Variants in BICRA observed in about 807,000 individuals in gnomAD.
BICRA encodes the protein BRD4 interacting chromatin remodeling complex associated protein, also known as BRD4-interacting chromatin-remodeling complex-associated protein.
In BICRA, 31 loss-of-function variants were observed where a neutral mutation model predicts 96.9. The ratio of observed to expected loss-of-function variants is 0.32; its 90% CI spans 0.24 to 0.43. BICRA has a LOEUF of 0.43. Among genes scored for constraint, BICRA ranks in the 20% least tolerant of loss-of-function variants. The pLI is 1.00. For synonymous variants in BICRA, 1,350 were observed against 1,071.8 expected (o/e 1.26, Z -5.07); for missense variants, 2,283 against 2,190.3 (o/e 1.04, Z -0.84).
chr19:47,656,593 T>A (rs1972622479), intron 1 of BICRA, among the ~76,000 whole-genome samples: 7 of 152,196 alleles, frequency 4.6e-5, no homozygotes, highest in Admixed American at 3.9e-4. Flanking sequence ...AACGATCAAT[T>A]GCACAGGGGT....
Position 47,680,786 on chromosome 19 carries a change from C to G in BICRA, c.1616C>G (p.Ala539Gly), listed in dbSNP as rs373150892. 6.2e-7 allele frequency: 1 copy of G among 1,609,968 alleles called. No homozygotes were observed. Among genetic ancestry groups the G allele is most frequent in the African/African-American group, 1.3e-5 (1 of 74,786 alleles). ...GCCCCCCACTCCGGGGCCCACAGCG[C>G]GCACATCCTCTCCGCCGCTCCCATC... The part of the protein sequence containing the change: ...VLAPHSGAHS[A>G]HILSAAPIQV... Residue 539 changes from alanine (A) to glycine (G), a missense_variant, in exon 6 of 15, where the codon GCG becomes GGG. Ala to Gly is a moderately conservative substitution (Grantham distance 60, BLOSUM62 0). Coordinates refer to ENST00000594866, the MANE Select transcript of BICRA (RefSeq NM_001394372.1).
In BICRA at chr19:47,698,046, G is replaced by A. The variant is rs1973374533; in HGVS notation, c.3249-588G>A. On this transcript the variant is annotated intron_variant, in intron 11 of 14. Transcript: ENST00000594866. The surrounding 1 kb of genome is among the most constrained non-coding windows in gnomAD (Gnocchi z 4.8). ...GTCCCCACTCAGTGCCCAGGCCTGA[G>A]CCCCATGTTGGGAACACAGGAGTAA... is the stretch of plus-strand genomic sequence containing the variant. Among the ~76,000 whole-genome samples the A allele has an allele frequency of 1.3e-5, 2 of 152,170 alleles. No individual in the cohort carries two copies. Among genetic ancestry groups the A allele is most frequent in the Non-Finnish European group, 2.9e-5 (2 of 68,034 alleles).
intron 1 of BICRA, among the ~76,000 whole-genome samples, chr19:47,632,813 G>T (rs1972240120): frequency 6.6e-6 from 1 of 152,134 alleles, no homozygotes; most frequent in Non-Finnish European, 1.5e-5. Flanking sequence ...CGTGACTCAA[G>T]TTTTGGACAG....
In BICRA at chr19:47,694,587, C is replaced by G; in HGVS notation, c.2756C>G (p.Ser919Cys). The change falls in exon 8 of 15, where the codon TCC (serine) becomes TGC (cysteine). Residue 919 changes from serine (S) to cysteine (C), a missense_variant. Transcript: ENST00000594866. ...QFPPSQGPHK[S>C]PTPPPTLHLV... ...CCACCCAGCCAGGGGCCCCACAAGT[C>G]CCCCACTCCCCCTCCAACCCTCCAC... 1 of 1,565,882 alleles carries G rather than the reference C, an allele frequency of 6.4e-7. No homozygotes were observed. The highest frequency in any genetic ancestry group is 1.7e-5 in the Admixed American group (1 of 59,652).
chr19:47,672,670 G>A (rs1166308775), intron 2 of BICRA, among the ~76,000 whole-genome samples: 2 of 151,860 alleles, frequency 1.3e-5, no homozygotes, highest in Non-Finnish European at 1.5e-5. Flanking sequence ...GGGAGGGAAG[G>A]CTAGATGGAT....
intron 1 of BICRA, among the ~76,000 whole-genome samples, chr19:47,644,807 C>T (rs1044447801): frequency 6.6e-6 from 1 of 152,100 alleles, no homozygotes; most frequent in African/African-American, 2.4e-5. Context: ...GGATTTCATT[C>T]CATATGCTTT....
chr19:47,685,413 G>A (rs1973129247), intron 7 of BICRA, among the ~76,000 whole-genome samples: 1 of 152,216 alleles, frequency 6.6e-6, no homozygotes, highest in Non-Finnish European at 1.5e-5. Flanking sequence ...ATCTGCAGCA[G>A]TGGGGACCCA....
At chr19:47,672,577 G>GTGGATGGATGGA (rs57088975) in intron 2 of BICRA, among the ~76,000 whole-genome samples, 122 of 150,192 alleles carry the variant, frequency 8.1e-4, no homozygotes, top group South Asian at 2.1e-3. Flanking sequence ...AGATAAAGAA[G>GTGGATGGATGGA]TGGATGGATG....
chr19:47,675,101 C>T lies in BICRA; in HGVS notation c.85-750C>T, dbSNP rs1439768815. Among the ~76,000 whole-genome samples the T allele has an allele frequency of 1.3e-5, 2 of 152,066 alleles. No individual in the cohort carries two copies. The highest frequency in any genetic ancestry group is 2.9e-5 in the Non-Finnish European group (2 of 68,022). On this transcript the variant is annotated intron_variant, in intron 4 of 14. Transcript: ENST00000594866. This position sits in a 1 kb window ranked among gnomAD's most constrained non-coding sequence, Gnocchi z 4.7. Reference sequence around the variant, plus strand: ...GGCATCAACTAGACTTGCTGGTGGACTCGATGTTGAGGGGGAGAGAGTGTC... The same window carrying T: ...GGCATCAACTAGACTTGCTGGTGGATTCGATGTTGAGGGGGAGAGAGTGTC...
intron 1 of BICRA, among the ~76,000 whole-genome samples, chr19:47,624,651 G>A (rs1972113674): frequency 6.6e-6 from 1 of 151,806 alleles, no homozygotes; most frequent in Non-Finnish European, 1.5e-5. Flanking sequence ...TCTTTGAAGT[G>A]TAGTAACAAG....
rs147915889 is a variant in BICRA at position 47,629,472 on chromosome 19, A to C, written c.-108+20304A>C. On this transcript the variant is annotated intron_variant, in intron 1 of 14. Coordinates refer to ENST00000594866, the MANE Select transcript of BICRA (RefSeq NM_001394372.1). ...TTATTTCACTTATTGTATTGTCCTG[A>C]AGGCTTATTCGTGGTGTGGCATGTG... Among the ~76,000 whole-genome samples the C allele has an allele frequency of 9.1e-3, 1,390 of 152,266 alleles. 15 individuals carry two copies. Among genetic ancestry groups the C allele is most frequent in the South Asian group, 0.03 (146 of 4,830 alleles).
chr19:47,655,525 CA>C (rs58172799), intron 1 of BICRA, among the ~76,000 whole-genome samples: 1,998 of 65,086 alleles, frequency 0.031, 41 homozygotes, highest in East Asian at 0.19. Context: ...AACTCTGTCT[CA>C]AAAAAAAAAA....
intron 1 of BICRA, among the ~76,000 whole-genome samples, chr19:47,665,443 C>T (rs891648140): frequency 6.6e-6 from 1 of 152,048 alleles, no homozygotes; most frequent in Non-Finnish European, 1.5e-5. Context: ...AACCATCAGA[C>T]GGATATATGA....
rs570502021 is a variant in BICRA, at chr19:47,680,592, G to C, written c.1422G>C (p.Leu474=). Residue 474 remains leucine, a synonymous_variant, in exon 6 of 15, where the codon CTG becomes CTC. Coordinates refer to ENST00000594866, the MANE Select transcript of BICRA (RefSeq NM_001394372.1). ...TGCCGGGCCAGAACCAGTTCCTACT[G>C]CCTGGCGCCCCGGCGGTCCAGCTCC... ...HMLPGQNQFL[L]PGAPAVQLPQ... is the part of the protein sequence containing the mutation. 10 of 1,608,288 alleles carry C rather than the reference G, an allele frequency of 6.2e-6. No individual in the cohort carries two copies. Among genetic ancestry groups the C allele is most frequent in the East Asian group, 2.2e-5 (1 of 44,686 alleles).
chr19:47,691,327 A>C (rs921198173), intron 7 of BICRA, among the ~76,000 whole-genome samples: 1 of 152,224 alleles, frequency 6.6e-6, no homozygotes, highest in Non-Finnish European at 1.5e-5. Flanking sequence ...TGGAAGTGTC[A>C]TATAATCACT....
intron 7 of BICRA, among the ~76,000 whole-genome samples, chr19:47,686,296 T>C (rs1466610093): frequency 2.6e-5 from 4 of 152,194 alleles, no homozygotes; most frequent in African/African-American, 9.6e-5. Context: ...TATATACACA[T>C]ATCACTGAAA....
rs549980808 is a variant in BICRA, at chr19:47,674,050, T to C, written c.84+288T>C. Among the ~76,000 whole-genome samples, 162 of 151,948 alleles carry C rather than the reference T, an allele frequency of 1.1e-3. No individual in the cohort carries two copies. The Middle Eastern group carries it at 0.017, about 16-fold the overall frequency. On this transcript the variant is annotated intron_variant, in intron 4 of 14. Transcript: ENST00000594866. ...AATGTCATTTGCACAATGAAAGAGG[T>C]TTAAAAGAAAATAAATGGGTCCCAG... is the stretch of plus-strand genomic sequence containing the variant.
At chr19:47,695,342 T>TCGGGGGGCCCCC in intron 9 of BICRA, 23 bp from the exon 10 acceptor site, 6 of 630,192 alleles carry the variant, frequency 9.5e-6, no homozygotes, top group Non-Finnish European at 1.7e-5. Context: ...AGGCCCTGTC[T>TCGGGGGGCCCCC]CCCCCACCCC....
Position 47,701,614 on chromosome 19 carries a change from C to T in BICRA, c.3882C>T (p.Arg1294=). The T allele has an allele frequency of 1.3e-6, 2 of 1,566,534 alleles. No individual in the cohort carries two copies. The highest frequency in any genetic ancestry group is 1.7e-6 in the Non-Finnish European group (2 of 1,156,946). The change falls in exon 15 of 15, where the codon CGC becomes CGT. Residue 1294 remains arginine (R), a synonymous_variant. Transcript: ENST00000594866. The surrounding 1 kb of genome is among the most constrained non-coding windows in gnomAD (Gnocchi z 5.4). ...DEDGPMPSRN[R]PPIKTYEARS... ...ACGGCCCCATGCCCTCCCGCAACCG[C>T]CCGCCCATCAAGACCTACGAGGCCC...
Sources: allele counts gnomAD v4.1 joint callset (sites outside exome capture counted in the v4.1 genomes callset), GRCh38; gene constraint gnomAD v4.1.1; non-coding constraint Gnocchi (gnomAD v3.1); transcripts MANE v1.5; gene names NCBI Gene and HGNC (gene_info 2026-07-23, HGNC 2026-07-21).